The following USP25 variants were observed in gnomAD, a reference collection of about 807,000 sequenced individuals.
USP25 encodes the protein ubiquitin specific peptidase 25.
USP25 carries 85 observed loss-of-function variants against 158.5 expected under a neutral mutation model. The ratio of observed to expected loss-of-function variants is 0.54; its 90% confidence interval spans 0.45 to 0.64. The LOEUF (loss-of-function observed/expected upper bound fraction) is 0.64. USP25 is among the 30% of genes least tolerant of loss of function. USP25 has a pLI of 0.00. For missense variants in USP25, 1,242 were observed against 1,327.3 expected (o/e 0.94, Z 1.00); for synonymous variants, 464 against 460.4 (o/e 1.01, Z -0.10).
intron 2 of USP25, among the ~76,000 whole-genome samples, chr21:15,764,762 A>G (rs1568774874): frequency 1.3e-5 from 2 of 152,228 alleles, no homozygotes; most frequent in East Asian, 3.9e-4. Context: ...TGTATCTTAC[A>G]TTTTGGATGA....
At chr21:15,833,922 A>G (rs2037933950) in intron 17 of USP25, among the ~76,000 whole-genome samples, 1 of 152,200 alleles carries the variant, frequency 6.6e-6, no homozygotes, top group East Asian at 1.9e-4. Flanking sequence ...AAGAGTATCA[A>G]TTCAATAAAG....
At chr21:15,818,966 A>G (rs1472385900) in intron 10 of USP25, 120 bp downstream of exon 10, 10 of 1,235,618 alleles carry the variant, frequency 8.1e-6, no homozygotes, top group Non-Finnish European at 8.9e-6. Context: ...CTCAGAGAGT[A>G]TGTTTGGATT....
intron 20 of USP25, among the ~76,000 whole-genome samples, chr21:15,851,828 T>G (rs1002941511): frequency 1.3e-5 from 2 of 152,098 alleles, no homozygotes; most frequent in Admixed American, 1.3e-4. Flanking sequence ...GGTTTTTCTT[T>G]TCTCCTGATC....
chr21:15,734,229 G>A (rs1220920568), intron 1 of USP25, among the ~76,000 whole-genome samples: 1 of 152,206 alleles, frequency 6.6e-6, no homozygotes, highest in Non-Finnish European at 1.5e-5. Flanking sequence ...GATTAGCCAA[G>A]TTCAAGAGTT....
chr21:15,800,177 C>G (rs909318617), intron 6 of USP25, among the ~76,000 whole-genome samples: 2 of 151,292 alleles, frequency 1.3e-5, no homozygotes, highest in Middle Eastern at 3.4e-3. Flanking sequence ...TTGTGGAAAT[C>G]GAAATTTCTT....
chr21:15,815,982 G>A, intron 9 of USP25, among the ~76,000 whole-genome samples: 1 of 152,278 alleles, frequency 6.6e-6, no homozygotes, highest in African/African-American at 2.4e-5. Context: ...GACATGATTG[G>A]TTTTGAAATG....
chr21:15,740,559 C>CA (rs1334760741), intron 1 of USP25, among the ~76,000 whole-genome samples: 1 of 141,442 alleles, frequency 7.1e-6, no homozygotes. Flanking sequence ...CCTGGAGGCA[C>CA]AAATAAGTTG....
chr21:15,815,002 T>C (rs73346766), intron 9 of USP25, among the ~76,000 whole-genome samples: 29,759 of 152,030 alleles, frequency 0.2, 4,686 homozygotes, highest in African/African-American at 0.44. Context: ...GAAAAAATAG[T>C]TTCGTGGGCT....
intron 1 of USP25, among the ~76,000 whole-genome samples, chr21:15,734,168 A>G (rs942296668): frequency 6.6e-6 from 1 of 152,212 alleles, no homozygotes. Context: ...TCTACAGTCA[A>G]CTTTCACTGA....
intron 4 of USP25, among the ~76,000 whole-genome samples, chr21:15,781,650 G>T (rs2034970475): frequency 6.6e-6 from 1 of 152,122 alleles, no homozygotes; most frequent in South Asian, 2.1e-4. Context: ...ACAGGGAGGA[G>T]ACCAAAGTAT....
At chr21:15,733,048 T>C (rs1390006627) in intron 1 of USP25, among the ~76,000 whole-genome samples, 2 of 150,980 alleles carry the variant, frequency 1.3e-5, no homozygotes, top group Non-Finnish European at 1.5e-5. Context: ...GCCTTTGTGC[T>C]TCATGTTTAC....
At chr21:15,848,677 T>C (rs1043796063) in intron 19 of USP25, among the ~76,000 whole-genome samples, 1 of 152,176 alleles carries the variant, frequency 6.6e-6, no homozygotes, top group African/African-American at 2.4e-5. Context: ...ACTATCATGC[T>C]AGAGTTAATC....
intron 17 of USP25, among the ~76,000 whole-genome samples, chr21:15,835,523 G>A (rs1327170611): frequency 1.3e-5 from 2 of 151,820 alleles, no homozygotes; most frequent in African/African-American, 4.8e-5. Context: ...CACTTTACAT[G>A]GTGTTTTGTA....
chr21:15,848,859 A>AGT (rs2038754230), intron 19 of USP25, among the ~76,000 whole-genome samples: 1 of 152,206 alleles, frequency 6.6e-6, no homozygotes, highest in Non-Finnish European at 1.5e-5. Context: ...AATGAGTAAT[A>AGT]GGTTCAGTGA....
intron 4 of USP25, among the ~76,000 whole-genome samples, chr21:15,779,840 T>C (rs1296239121): frequency 6.6e-6 from 1 of 152,076 alleles, no homozygotes; most frequent in African/African-American, 2.4e-5. Context: ...CATAAAGCTA[T>C]GCTCCCTAGA....
intron 3 of USP25, among the ~76,000 whole-genome samples, chr21:15,769,402 G>A (rs2034222393): frequency 6.6e-6 from 1 of 151,882 alleles, no homozygotes; most frequent in Non-Finnish European, 1.5e-5. Flanking sequence ...TTGAATTCTG[G>A]AAAAAAGCCC....
At chr21:15,836,774 G>A (rs2038082907) in intron 17 of USP25, among the ~76,000 whole-genome samples, 1 of 143,932 alleles carries the variant, frequency 6.9e-6, no homozygotes, top group South Asian at 2.3e-4. Context: ...AGAGTGAGTA[G>A]GGGAGCAAAC....
chr21:15,750,630 A>G (rs1472312036), intron 1 of USP25, among the ~76,000 whole-genome samples: 4 of 151,080 alleles, frequency 2.6e-5, no homozygotes, highest in Non-Finnish European at 4.4e-5. Context: ...TTTTTGAGAT[A>G]GAGTCTCGCT....
At chr21:15,823,348 G>A (rs532303449) in intron 10 of USP25, among the ~76,000 whole-genome samples, 13 of 152,100 alleles carry the variant, frequency 8.5e-5, no homozygotes, top group Admixed American at 3.3e-4. Context: ...AAGCATGTAT[G>A]GGGATTAGGG....
Sources: gnomAD v4.1 joint callset for allele counts (sites outside exome capture counted in the v4.1 genomes callset) on GRCh38, gnomAD v4.1.1 for gene constraint, MANE v1.5 for transcripts, NCBI Gene and HGNC (gene_info 2026-07-23, HGNC 2026-07-21) for gene names.